Variants in SARDH observed in about 807,000 individuals in gnomAD.
SARDH encodes the protein sarcosine dehydrogenase, mitochondrial.
SARDH carries 95 observed loss-of-function variants against 109.1 expected under a neutral mutation model. The observed-to-expected ratio is 0.87, with a 90% CI of 0.74 to 1.03. The LOEUF (loss-of-function observed/expected upper bound fraction) is 1.03. SARDH is among the 50% of genes least tolerant of loss of function. The pLI, the probability that SARDH is intolerant of heterozygous loss-of-function variation, is 0.00. For missense variants in SARDH, 1,267 were observed against 1,287.8 expected (o/e 0.98, Z 0.25); for synonymous variants, 572 against 534.8 (o/e 1.07, Z -0.96).
chr9:133,738,755 G>T (rs1290966219), upstream of SARDH, among the ~76,000 whole-genome samples: 1 of 152,208 alleles, frequency 6.6e-6, no homozygotes, highest in Non-Finnish European at 1.5e-5. Context: ...GGCTCCTTTG[G>T]TGAGGTCATC....
intron 17 of SARDH, among the ~76,000 whole-genome samples, chr9:133,683,282 G>A (rs897910784): frequency 3.3e-5 from 5 of 152,154 alleles, no homozygotes; most frequent in Non-Finnish European, 7.3e-5. Context: ...TGGAGTGGCC[G>A]TGCGGGTGGG....
chr9:133,708,384 T>C lies in SARDH; in HGVS notation c.1373A>G (p.Glu458Gly), dbSNP rs771984514. 1.2e-6 allele frequency: 2 copies of C among 1,612,810 alleles called. No individual in the cohort carries two copies. The highest frequency in any genetic ancestry group is 1.7e-6 in the Non-Finnish European group (2 of 1,179,638). ...CTTGGCGTAGGACTCATGGCTTCGC[T>C]CTCGGATCCAGCGGGGGTGGTCCGT... ...SLTDHPRWIR[E>G]RSHESYAKNY... The change falls in exon 11 of 21, where the codon GAG (glutamate) becomes GGG (glycine). Residue 458 changes from glutamate to glycine, a missense_variant. Coordinates refer to ENST00000439388, the MANE Select transcript of SARDH (RefSeq NM_001134707.2).
chr9:133,673,229 A>T (rs1441608407), intron 17 of SARDH, among the ~76,000 whole-genome samples: 1 of 152,242 alleles, frequency 6.6e-6, no homozygotes. Flanking sequence ...TTCCTCACAC[A>T]CTTGGTTCAG....
chr9:133,731,305 C>T lies in SARDH; in HGVS notation c.690G>A (p.Gln230=). 6.2e-7 allele frequency: 1 copy of T among 1,614,062 alleles called. No individual in the cohort carries two copies. Among genetic ancestry groups the T allele is most frequent in the Non-Finnish European group, 8.5e-7 (1 of 1,179,978 alleles). The change falls in exon 4 of 21, where the codon CAG becomes CAA. Residue 230 remains glutamine (Q), a splice_region_variant and synonymous_variant. Transcript: ENST00000439388. The part of the protein sequence containing the change: ...LARAASARGA[Q]VIENCPVTGI... ...CCCAGAGCCAGGCGGCCATCAGTAC[C>T]TGTGCTCCTCGGGCAGAAGCTGCCC... is the stretch of plus-strand genomic sequence containing the variant.
At chr9:133,687,094 A>G (rs1292655560) in intron 16 of SARDH, among the ~76,000 whole-genome samples, 1 of 152,070 alleles carries the variant, frequency 6.6e-6, no homozygotes, top group Non-Finnish European at 1.5e-5. Flanking sequence ...CAGGCCCTGT[A>G]CTTACCCCTG....
In SARDH at chr9:133,733,915, T is replaced by G. The variant is rs1832772314; in HGVS notation, c.259A>C (p.Lys87Gln). 6.4e-7 allele frequency: 1 copy of G among 1,561,436 alleles called. No individual in the cohort carries two copies. ...AGCACCGCCCCACTCATGCCCAGCT[T>G]GGCCAGGTGGTACAGGGTCTGGCAG... ...LGCQTLYHLA[K>Q]LGMSGAVLLE... Residue 87 changes from lysine to glutamine, a missense_variant, in exon 2 of 21, where the codon AAG becomes CAG. By Grantham distance (53) the Lys-to-Gln change is moderately conservative. Coordinates refer to ENST00000439388, the MANE Select transcript of SARDH (RefSeq NM_001134707.2).
At chr9:133,672,560 C>T (rs1830387026) in intron 17 of SARDH, among the ~76,000 whole-genome samples, 1 of 152,222 alleles carries the variant, frequency 6.6e-6, no homozygotes, top group Admixed American at 6.5e-5. Context: ...ACCCTGGCTG[C>T]ACCAGGTGGG....
At chr9:133,687,445 A>AT (rs1166390471) in intron 16 of SARDH, among the ~76,000 whole-genome samples, 1 of 151,888 alleles carries the variant, frequency 6.6e-6, no homozygotes, top group South Asian at 2.1e-4. Flanking sequence ...TAATTGAAAA[A>AT]TTTTTTTGTT....
At chr9:133,702,801 C>T (rs1035805339) in intron 13 of SARDH, 115 bp downstream of exon 13, 2 of 855,684 alleles carry the variant, frequency 2.3e-6, no homozygotes, top group Admixed American at 4.2e-5. Context: ...ATGCAGAGCC[C>T]GAAGAGACTC....
At position 133,713,353 on chromosome 9, in the gene SARDH, G is replaced by C. The variant is rs564748940; in HGVS notation, c.1151-229C>G. On this transcript the variant is annotated intron_variant, in intron 8 of 20. Coordinates refer to ENST00000439388, the MANE Select transcript of SARDH (RefSeq NM_001134707.2). ...TGTGCTGCCAGAACCAGCTGACGGC[G>C]ACCTGGCTGGGTTCTGCCTGGTGGG... Among the ~76,000 whole-genome samples the C allele has an allele frequency of 2.0e-5, 3 of 152,118 alleles. No individual in the cohort carries two copies. The South Asian group carries it at 6.2e-4, about 31-fold the overall frequency.
chr9:133,701,475 C>T (rs1246228549), intron 13 of SARDH, among the ~76,000 whole-genome samples: 2 of 152,248 alleles, frequency 1.3e-5, no homozygotes, highest in East Asian at 1.9e-4. Context: ...TCTAGCAGGC[C>T]GGGGAAGCTG....
In SARDH at chr9:133,704,933, G is replaced by A. The variant is rs768843670; in HGVS notation, c.1554+15C>T. 1.1e-5 allele frequency: 18 copies of A among 1,567,252 alleles called. No homozygotes were observed. Among genetic ancestry groups the A allele is most frequent in the Non-Finnish European group, 1.5e-5 (17 of 1,156,062 alleles). On this transcript the variant is annotated intron_variant, in intron 12 of 20. Coordinates refer to ENST00000439388, the MANE Select transcript of SARDH (RefSeq NM_001134707.2). This position sits in a 1 kb window ranked among gnomAD's most constrained non-coding sequence, Gnocchi z 4.5. ...CAGGGCCTCCCAGCAGCACAGCCCA[G>A]CAGGCACTACTCACCGGAGCTGGGC...
At chr9:133,701,848 A>C (rs187628741) in intron 13 of SARDH, among the ~76,000 whole-genome samples, 1 of 152,226 alleles carries the variant, frequency 6.6e-6, no homozygotes, top group Non-Finnish European at 1.5e-5. Flanking sequence ...TTCCCTTCAG[A>C]ACTGGCTACA....
At chr9:133,714,933 C>A (rs149189137) in intron 8 of SARDH, among the ~76,000 whole-genome samples, 1 of 152,158 alleles carries the variant, frequency 6.6e-6, no homozygotes, top group Non-Finnish European at 1.5e-5. Flanking sequence ...CAAGAGCTAG[C>A]GGAGGGGCAG....
Position 133,681,557 on chromosome 9 carries a change from A to G in SARDH, c.2163+3636T>C, listed in dbSNP as rs536927909. On this transcript the variant is annotated intron_variant, in intron 17 of 20. Coordinates refer to ENST00000439388, the MANE Select transcript of SARDH (RefSeq NM_001134707.2). ...TCTGAGCCCATCGAGGGAAGGAGCC[A>G]CATCTTCCATCCTGGGACCCCAATC... Among the ~76,000 whole-genome samples, 29 of 152,318 alleles carry G rather than the reference A, an allele frequency of 1.9e-4. 1 individual carries two copies. In the South Asian group the frequency reaches 3.5e-3, roughly 18 times the overall value.
intron 8 of SARDH, among the ~76,000 whole-genome samples, chr9:133,716,621 G>A (rs1462114438): frequency 6.6e-6 from 1 of 152,202 alleles, no homozygotes; most frequent in Non-Finnish European, 1.5e-5. Context: ...CCAGTAGGGT[G>A]GGGTGGGGCT....
chr9:133,730,473 A>ATTTTT (rs758293555), intron 4 of SARDH, among the ~76,000 whole-genome samples: 2,212 of 128,310 alleles, frequency 0.017, 66 homozygotes, highest in African/African-American at 0.056. Flanking sequence ...TTTTTTTTAA[A>ATTTTT]AAAAAAAAGC....
Position 133,729,752 on chromosome 9 carries a change from G to A in SARDH, c.915+13C>T. On this transcript the variant is annotated intron_variant, in intron 6 of 20. Transcript: ENST00000439388. Reference sequence around the variant, plus strand: ...CCCACAGACTGACACAGAACCCGGGGCTGTCCACCTACCTGAATCCCCTCG... The same window carrying A: ...CCCACAGACTGACACAGAACCCGGGACTGTCCACCTACCTGAATCCCCTCG... 6.2e-7 allele frequency: 1 copy of A among 1,608,176 alleles called. No individual in the cohort carries two copies. The highest frequency in any genetic ancestry group is 2.2e-5 in the East Asian group (1 of 44,828).
At chr9:133,719,806 C>A (rs1406020285) in intron 6 of SARDH, among the ~76,000 whole-genome samples, 4 of 152,172 alleles carry the variant, frequency 2.6e-5, no homozygotes, top group African/African-American at 9.7e-5. Flanking sequence ...CTGCTGCTCA[C>A]TCTCTCCTAA....
Sources: allele counts gnomAD v4.1 joint callset (sites outside exome capture counted in the v4.1 genomes callset), GRCh38; gene constraint gnomAD v4.1.1; non-coding constraint Gnocchi (gnomAD v3.1); transcripts MANE v1.5; gene names NCBI Gene and HGNC (gene_info 2026-07-23, HGNC 2026-07-21).